The following DLGAP1 variants were observed in gnomAD, a reference collection of about 807,000 sequenced individuals.
DLGAP1 encodes DLG associated protein 1.
Under a neutral mutation model 90.8 loss-of-function variants are expected in DLGAP1, and 11 were observed. That is an observed-to-expected ratio of 0.12 (90% CI 0.08 to 0.20). DLGAP1 has a LOEUF of 0.20. Among genes scored for constraint, DLGAP1 ranks in the 10% least tolerant of loss-of-function variants. DLGAP1 has a pLI of 1.00. For synonymous variants in DLGAP1, 558 were observed against 540.7 expected, an observed-to-expected ratio of 1.03 and a Z score of -0.44; for missense variants, 1,050 against 1,333.8, an observed-to-expected ratio of 0.79 and a Z score of 3.31.
intron 3 of DLGAP1, among the ~76,000 whole-genome samples, chr18:3,880,671 G>A (rs560781136): frequency 2.2e-4 from 34 of 152,074 alleles, no homozygotes; most frequent in Middle Eastern, 3.4e-3. Flanking sequence ...GGCCGGGCGC[G>A]GTGGCTCACG....
chr18:3,529,794 G>T (rs1460097198), intron 10 of DLGAP1, among the ~76,000 whole-genome samples: 1 of 152,174 alleles, frequency 6.6e-6, no homozygotes, highest in African/African-American at 2.4e-5. Context: ...ACAGATGGTT[G>T]GGCAGTTCCC....
At chr18:4,275,660 G>C (rs2079395503) in intron 1 of DLGAP1, among the ~76,000 whole-genome samples, 1 of 150,592 alleles carries the variant, frequency 6.6e-6, no homozygotes, top group South Asian at 2.1e-4. Context: ...GCTCATTCTT[G>C]CAAGAAATAC....
In DLGAP1 at chr18:3,659,801, T is replaced by G. The variant is rs542162847; in HGVS notation, c.1591+69334A>C. Among the ~76,000 whole-genome samples, 3 of 152,156 alleles carry G rather than the reference T, an allele frequency of 2.0e-5. No individual in the cohort carries two copies. The South Asian group carries it at 6.2e-4, about 32-fold the overall frequency. ...GGATGGTCTTGATCTCTTGACCTCA[T>G]GATCCGCCTGCCTCGGCCTCCCAAA... On this transcript the variant is annotated intron_variant, in intron 7 of 12. Coordinates refer to ENST00000315677, the MANE Select transcript of DLGAP1 (RefSeq NM_004746.4).
intron 1 of DLGAP1, among the ~76,000 whole-genome samples, chr18:4,288,099 C>T (rs2079748954): frequency 6.6e-6 from 1 of 151,880 alleles, no homozygotes; most frequent in Non-Finnish European, 1.5e-5. Flanking sequence ...TTTTAGGGTA[C>T]ATGTGCACAT....
intron 7 of DLGAP1, among the ~76,000 whole-genome samples, chr18:3,690,569 G>C (rs746716467): frequency 1.3e-5 from 2 of 152,114 alleles, no homozygotes; most frequent in African/African-American, 4.8e-5. Context: ...ACCTGCCAGA[G>C]CAATAAAGTG....
intron 1 of DLGAP1, among the ~76,000 whole-genome samples, chr18:4,263,830 C>T (rs551790706): frequency 2.6e-5 from 4 of 152,052 alleles, no homozygotes; most frequent in Admixed American, 2.6e-4. Flanking sequence ...TCAGTTACTT[C>T]AGAACATTAA....
intron 2 of DLGAP1, among the ~76,000 whole-genome samples, chr18:4,131,211 T>C (rs952141509): frequency 6.6e-6 from 1 of 151,806 alleles, no homozygotes; most frequent in Admixed American, 6.6e-5. Flanking sequence ...TGTGTGTGTG[T>C]GCGTGCAAGC....
chr18:4,145,326 A>C (rs1203013992), intron 2 of DLGAP1, among the ~76,000 whole-genome samples: 1 of 152,246 alleles, frequency 6.6e-6, no homozygotes, highest in East Asian at 1.9e-4. Context: ...TTTAGTTTCT[A>C]AATTATTTCT....
chr18:4,167,611 G>A (rs2076953568), intron 1 of DLGAP1, among the ~76,000 whole-genome samples: 1 of 152,132 alleles, frequency 6.6e-6, no homozygotes, highest in Admixed American at 6.5e-5. Flanking sequence ...CCTTCTCTTA[G>A]AAACCAGTAA....
At chr18:4,119,030 C>T (rs982734734) in intron 2 of DLGAP1, among the ~76,000 whole-genome samples, 5 of 152,050 alleles carry the variant, frequency 3.3e-5, no homozygotes, top group South Asian at 2.1e-4. Flanking sequence ...TTTTTCACAA[C>T]GAAAATTTTC....
At chr18:3,702,646 A>G (rs1424374331) in intron 7 of DLGAP1, among the ~76,000 whole-genome samples, 1 of 152,214 alleles carries the variant, frequency 6.6e-6, no homozygotes, top group African/African-American at 2.4e-5. Context: ...ATCAGATACA[A>G]CAAGGTAGCT....
At chr18:4,167,392 G>C (rs893841592) in intron 1 of DLGAP1, among the ~76,000 whole-genome samples, 4 of 152,072 alleles carry the variant, frequency 2.6e-5, no homozygotes, top group African/African-American at 9.7e-5. Context: ...ATCAGAACAA[G>C]AGAAATTACT....
intron 5 of DLGAP1, among the ~76,000 whole-genome samples, chr18:3,796,568 A>C (rs1349542491): frequency 6.6e-6 from 1 of 152,218 alleles, no homozygotes; most frequent in African/African-American, 2.4e-5. Flanking sequence ...AAAGAGAGGG[A>C]ACATGCGCTG....
intron 7 of DLGAP1, among the ~76,000 whole-genome samples, chr18:3,630,235 T>C (rs1409817424): frequency 6.6e-6 from 1 of 152,190 alleles, no homozygotes; most frequent in Non-Finnish European, 1.5e-5. Context: ...AAAGACTGAA[T>C]ATGAGAGAAT....
chr18:4,003,798 A>G (rs2074246648), intron 3 of DLGAP1, among the ~76,000 whole-genome samples: 1 of 152,236 alleles, frequency 6.6e-6, no homozygotes, highest in Admixed American at 6.5e-5. Context: ...ACTTGTGCAC[A>G]GAAAAATAAA....
intron 2 of DLGAP1, among the ~76,000 whole-genome samples, chr18:4,148,050 C>T (rs2076615123): frequency 6.6e-6 from 1 of 152,064 alleles, no homozygotes; most frequent in African/African-American, 2.4e-5. Context: ...CGGAAAAAGC[C>T]CCATCCTTGT....
chr18:3,780,374 G>A (rs561912619), intron 5 of DLGAP1, among the ~76,000 whole-genome samples: 1 of 152,284 alleles, frequency 6.6e-6, no homozygotes, highest in African/African-American at 2.4e-5. Context: ...CTGAAATCAA[G>A]GTGTCAACAG....
chr18:4,228,407 C>A (rs1019336657), intron 1 of DLGAP1, among the ~76,000 whole-genome samples: 2 of 151,938 alleles, frequency 1.3e-5, no homozygotes, highest in African/African-American at 4.8e-5. Context: ...AACTACAGGC[C>A]AATATCCCTG....
intron 2 of DLGAP1, among the ~76,000 whole-genome samples, chr18:4,057,474 C>T (rs900744475): frequency 5.3e-5 from 8 of 152,178 alleles, no homozygotes; most frequent in South Asian, 4.1e-4. Context: ...CCCACCCTAA[C>T]GGAAGAATCA....
Sources: gnomAD v4.1 joint callset for allele counts (sites outside exome capture counted in the v4.1 genomes callset) on GRCh38, gnomAD v4.1.1 for gene constraint, MANE v1.5 for transcripts, NCBI Gene and HGNC (gene_info 2026-07-23, HGNC 2026-07-21) for gene names.